SP3: variants seen among roughly 807,000 people sequenced by gnomAD.
SP3 encodes transcription factor Sp3.
SP3 carries 10 observed loss-of-function variants against 70.3 expected under a neutral mutation model. The ratio of observed to expected loss-of-function variants is 0.14; its 90% confidence interval spans 0.09 to 0.24. The LOEUF (loss-of-function observed/expected upper bound fraction) is 0.24. Ranked by LOEUF, SP3 falls within the 10% of genes least tolerant of loss-of-function variation. The pLI, the probability that SP3 is intolerant of heterozygous loss-of-function variation, is 1.00. For missense variants in SP3, 825 were observed against 914.6 expected (o/e 0.90, Z 1.26); for synonymous variants, 402 against 333.5 (o/e 1.21, Z -2.24).
chr2:173,961,511 A>C (rs1201576023), intron 3 of SP3, among the ~76,000 whole-genome samples: 1 of 152,242 alleles, frequency 6.6e-6, no homozygotes, highest in Non-Finnish European at 1.5e-5. Context: ...GGTGAAACGC[A>C]AACAAAGTCT....
At chr2:173,942,650 T>C (rs1298547959) in intron 4 of SP3, among the ~76,000 whole-genome samples, 1 of 152,208 alleles carries the variant, frequency 6.6e-6, no homozygotes, top group African/African-American at 2.4e-5. Flanking sequence ...TAGATTCTGA[T>C]ATTCCACTGT....
At position 173,909,958 on chromosome 2, in the gene SP3, T is replaced by C. The variant is rs774776403; in HGVS notation, c.2329A>G (p.Asn777Asp). 6.2e-7 allele frequency: 1 copy of C among 1,613,642 alleles called. No individual in the cohort carries two copies. The highest frequency in any genetic ancestry group is 8.5e-7 in the Non-Finnish European group (1 of 1,179,604). The change falls in exon 7 of 7, where the codon AAT becomes GAT. Residue 777 changes from asparagine (N) to aspartate (D), a missense_variant. By Grantham distance (23) the Asn-to-Asp change is conservative (BLOSUM62 1). This residue lies in a region of SP3 where 91 missense variants were observed against 97.4 expected (regional missense o/e 0.93). Coordinates refer to ENST00000310015, the MANE Select transcript of SP3 (RefSeq NM_003111.5). ...TGTAATATTTACTCCATTGTCTCAT[T>C]TCCAGAAACTGTGACAAGCTGTAAA... The part of the protein sequence containing the change: ...IPLQLVTVSG[N>D]ETME
intron 6 of SP3, among the ~76,000 whole-genome samples, chr2:173,911,033 A>G (rs1689468163): frequency 6.6e-6 from 1 of 152,166 alleles, no homozygotes; most frequent in South Asian, 2.1e-4. Flanking sequence ...AATCTAGTAA[A>G]TATTTTCTTA....
chr2:173,949,275 G>C (rs1198935684), intron 4 of SP3, among the ~76,000 whole-genome samples: 1 of 150,348 alleles, frequency 6.7e-6, no homozygotes, highest in Non-Finnish European at 1.5e-5. Flanking sequence ...CACCTTGTTA[G>C]AATCACAAAT....
chr2:173,943,830 C>T (rs547523812), intron 4 of SP3, among the ~76,000 whole-genome samples: 76 of 152,262 alleles, frequency 5.0e-4, no homozygotes, highest in African/African-American at 1.6e-3. Context: ...CATCATTAGG[C>T]GATTTCATCA....
At chr2:173,964,646 G>A (rs1691226858) in intron 1 of SP3, 93 bp from the exon 2 acceptor site, 2 of 543,110 alleles carry the variant, frequency 3.7e-6, no homozygotes, top group Admixed American at 2.8e-5. Context: ...TACTCCCAAA[G>A]CCCGGACCCA....
rs1689264829 is a variant in SP3 at position 173,904,614 on chromosome 2, G to A, written c.*5327C>T. ...TGCCTCCCATGTATGTTCCAGATGT[G>A]ACCTCCCAAGACATCAGTTTTCCAA... On this transcript the variant is annotated 3_prime_UTR_variant, in exon 7 of 7. Coordinates refer to ENST00000310015, the MANE Select transcript of SP3 (RefSeq NM_003111.5). Among the ~76,000 whole-genome samples, 1 of 152,154 alleles carries A rather than the reference G, an allele frequency of 6.6e-6. No homozygotes were observed. The highest frequency in any genetic ancestry group is 1.5e-5 in the Non-Finnish European group (1 of 68,032).
At chr2:173,916,725 C>T (rs143206588) in intron 5 of SP3, 2 of 152,158 alleles carry the variant, frequency 1.3e-5, no homozygotes, top group African/African-American at 4.8e-5. Context: ...ATAAACTAGC[C>T]TTTCTAGCAG....
At chr2:173,924,095 T>A (rs1301794824) in intron 4 of SP3, among the ~76,000 whole-genome samples, 5 of 152,106 alleles carry the variant, frequency 3.3e-5, no homozygotes, top group Non-Finnish European at 5.9e-5. Flanking sequence ...ATAATAATTT[T>A]AAAAATATAG....
At chr2:173,931,383 TC>T (rs1338661248) in intron 4 of SP3, among the ~76,000 whole-genome samples, 81 of 152,098 alleles carry the variant, frequency 5.3e-4, no homozygotes, top group African/African-American at 1.9e-3. Context: ...TCGCTCTGTT[TC>T]CCAGGCTGGA....
chr2:173,933,769 C>A (rs1182122010), intron 4 of SP3, among the ~76,000 whole-genome samples: 2 of 150,524 alleles, frequency 1.3e-5, no homozygotes, highest in Non-Finnish European at 3.0e-5. Context: ...TGATATAACC[C>A]TGCTTCAAAA....
At position 173,908,849 on chromosome 2, in the gene SP3, T is replaced by G. The variant is rs1689397472; in HGVS notation, c.*1092A>C. 6.6e-6 allele frequency: 1 copy of G among 152,122 alleles called. No individual in the cohort carries two copies. Among genetic ancestry groups the G allele is most frequent in the Admixed American group, 6.6e-5 (1 of 15,246 alleles). The allele number at this position is 152,122 out of a possible 1,614,324, so 9.4% of individuals were successfully genotyped here. Reference sequence around the variant, plus strand: ...TTAAATGTACTGGATACATATAAATTTTAAGGGAAGAAGCAAAAAAGGAAA... The same window carrying G: ...TTAAATGTACTGGATACATATAAATGTTAAGGGAAGAAGCAAAAAAGGAAA... On this transcript the variant is annotated 3_prime_UTR_variant, in exon 7 of 7. Coordinates refer to ENST00000310015, the MANE Select transcript of SP3 (RefSeq NM_003111.5).
At chr2:173,933,673 A>ATATATATATAT (rs1559098593) in intron 4 of SP3, among the ~76,000 whole-genome samples, 18 of 61,638 alleles carry the variant, frequency 2.9e-4, no homozygotes, top group African/African-American at 7.6e-4. Flanking sequence ...TATATATATA[A>ATATATATATAT]AAGTTATAAA....
At position 173,955,919 on chromosome 2, in the gene SP3, T is replaced by C; in HGVS notation, c.593A>G (p.Asn198Ser). 1 of 1,614,204 alleles carries C rather than the reference T, an allele frequency of 6.2e-7. No individual in the cohort carries two copies. The highest frequency in any genetic ancestry group is 1.1e-5 in the South Asian group (1 of 91,086). Residue 198 changes from asparagine (N) to serine (S), a missense_variant, in exon 4 of 7, where the codon AAT becomes AGT. Physicochemically the swap from Asn to Ser is conservative, Grantham distance 46. This residue lies in a region of SP3 where 678 missense variants were observed against 651.6 expected (regional missense o/e 1.04). Coordinates refer to ENST00000310015, the MANE Select transcript of SP3 (RefSeq NM_003111.5). ...FTGSSDNGGI[N>S]QESSQIQIIP... ...GATCTGAATTTGACTGCTTTCTTGATTTATACCCCCATTATCTGAAGAGCC... is the reference window on the plus strand; with the variant it reads ...GATCTGAATTTGACTGCTTTCTTGACTTATACCCCCATTATCTGAAGAGCC...
At chr2:173,921,509 G>A (rs1431643053) in intron 4 of SP3, among the ~76,000 whole-genome samples, 2 of 149,652 alleles carry the variant, frequency 1.3e-5, no homozygotes, top group South Asian at 2.1e-4. Context: ...AGCCAAGAGA[G>A]AGCGGTCCCG....
chr2:173,926,332 T>C (rs916429706), intron 4 of SP3, among the ~76,000 whole-genome samples: 8 of 152,198 alleles, frequency 5.3e-5, no homozygotes, highest in African/African-American at 1.9e-4. Context: ...ATTTAATAGA[T>C]GTACCTATTA....
rs998691129 is a variant in SP3, at chr2:173,905,389, G to C, written c.*4552C>G. Among the ~76,000 whole-genome samples the C allele has an allele frequency of 6.6e-6, 1 of 152,004 alleles. No homozygotes were observed. Among genetic ancestry groups the C allele is most frequent in the Non-Finnish European group, 1.5e-5 (1 of 67,998 alleles). On this transcript the variant is annotated 3_prime_UTR_variant, in exon 7 of 7. Transcript: ENST00000310015. The stretch of plus-strand genomic sequence containing the variant: ...GGAGTACTATTGTTAGCCTCTTCAT[G>C]GATGATGAAAATGAGGTTTTAAGGT...
Position 173,947,925 on chromosome 2 carries a change from T to C in SP3, c.1639+6948A>G, listed in dbSNP as rs577251856. Among the ~76,000 whole-genome samples, 60 of 152,302 alleles carry C rather than the reference T, an allele frequency of 3.9e-4. 1 individual carries two copies. Among genetic ancestry groups the C allele is most frequent in the African/African-American group, 1.3e-3 (56 of 41,562 alleles). On this transcript the variant is annotated intron_variant, in intron 4 of 6. Transcript: ENST00000310015. Reference sequence around the variant, plus strand: ...TCAGCTAACAGTTCAATGGTTCAGATTGGTTCAGATGTGGTGGTCGTAAGA... The same window carrying C: ...TCAGCTAACAGTTCAATGGTTCAGACTGGTTCAGATGTGGTGGTCGTAAGA...
intron 5 of SP3, chr2:173,915,144 CAAA>C (rs986156249): frequency 3.3e-5 from 5 of 151,842 alleles, no homozygotes; most frequent in Non-Finnish European, 5.9e-5. Context: ...TCTGGGTTCT[CAAA>C]GAAGCAAGAA....
Sources: gnomAD v4.1 joint callset for allele counts (sites outside exome capture counted in the v4.1 genomes callset) on GRCh38, gnomAD v4.1.1 for gene constraint, gnomAD v4.1.1 regional missense constraint, MANE v1.5 for transcripts, NCBI Gene and HGNC (gene_info 2026-07-23, HGNC 2026-07-21) for gene names.